The following SKIC3 variants were observed in gnomAD, a reference collection of about 807,000 sequenced individuals.
SKIC3 encodes the protein SKI3 subunit of superkiller complex.
the SKIC3 span, chr5:95,536,879 A>G: frequency 6.2e-7 from 1 of 1,613,786 alleles, no homozygotes; most frequent in Non-Finnish European, 8.5e-7. Flanking sequence ...ATAGATGTTT[A>G]TCATTCCTTC....
At chr5:95,478,297 A>G in the SKIC3 span, 3 of 1,613,794 alleles carry the variant, frequency 1.9e-6, no homozygotes, top group South Asian at 3.3e-5. Flanking sequence ...TACCATACAG[A>G]CTTTTAATGC....
At chr5:95,470,392 A>C in the SKIC3 span, among the ~76,000 whole-genome samples, 1 of 152,310 alleles carries the variant, frequency 6.6e-6, no homozygotes, top group East Asian at 1.9e-4. Flanking sequence ...AGGAGCTATA[A>C]AATGGGGTAG....
the SKIC3 span, chr5:95,529,429 T>C: frequency 2.6e-6 from 1 of 379,538 alleles, no homozygotes; most frequent in Non-Finnish European, 5.0e-6. Flanking sequence ...CTTTTACTGA[T>C]TCCCCACTGT....
chr5:95,524,629 C>T, the SKIC3 span: 1 of 1,610,084 alleles, frequency 6.2e-7, no homozygotes, highest in African/African-American at 1.3e-5. Flanking sequence ...AATAGTAAAA[C>T]AAATACACAC....
At chr5:95,511,811 T>C in the SKIC3 span, among the ~76,000 whole-genome samples, 4 of 152,332 alleles carry the variant, frequency 2.6e-5, no homozygotes, top group East Asian at 7.7e-4. Context: ...AACACTTTCC[T>C]GTTGAGAATT....
the SKIC3 span, among the ~76,000 whole-genome samples, chr5:95,543,744 C>T: frequency 1.3e-5 from 2 of 152,168 alleles, no homozygotes; most frequent in Non-Finnish European, 2.9e-5. Flanking sequence ...ATAGTTTCCC[C>T]ATATTAGACA....
the SKIC3 span, chr5:95,513,741 G>A: frequency 7.4e-4 from 906 of 1,231,476 alleles, 9 homozygotes; most frequent in African/African-American, 0.011. Context: ...AGGTTTACTA[G>A]CTGAGCTTAA....
the SKIC3 span, chr5:95,524,638 A>G: frequency 6.2e-7 from 1 of 1,608,414 alleles, no homozygotes; most frequent in South Asian, 1.1e-5. Context: ...ACAAATACAC[A>G]CACACCCACA....
chr5:95,494,911 C>T, the SKIC3 span: 1 of 1,597,386 alleles, frequency 6.3e-7, no homozygotes, highest in East Asian at 2.2e-5. Context: ...ATTATTCCTT[C>T]ATCAATATTA....
the SKIC3 span, chr5:95,537,082 G>C: frequency 6.2e-7 from 1 of 1,613,600 alleles, no homozygotes; most frequent in Non-Finnish European, 8.5e-7. Context: ...AAAGTACTTG[G>C]TGATCTTCAC....
the SKIC3 span, among the ~76,000 whole-genome samples, chr5:95,547,859 A>T: frequency 6.6e-6 from 1 of 152,116 alleles, no homozygotes; most frequent in South Asian, 2.1e-4. Flanking sequence ...TCTGTGAAAC[A>T]TAAATCAAGA....
chr5:95,513,377 A>T, the SKIC3 span: 7 of 480,952 alleles, frequency 1.5e-5, no homozygotes, highest in South Asian at 2.5e-5. Context: ...CTAATTTTTA[A>T]TTTTTTTTTT....
chr5:95,513,487 C>A, the SKIC3 span: 1 of 1,469,370 alleles, frequency 6.8e-7, no homozygotes, highest in Admixed American at 1.7e-5. Context: ...GCCACTATGC[C>A]TAGCCCAATA....
chr5:95,520,801 G>A, the SKIC3 span: 3 of 1,611,574 alleles, frequency 1.9e-6, no homozygotes, highest in Non-Finnish European at 2.5e-6. Flanking sequence ...GCCATCATAA[G>A]ATGGCATTCA....
At chr5:95,524,421 T>C in the SKIC3 span, 1 of 1,609,876 alleles carries the variant, frequency 6.2e-7, no homozygotes, top group South Asian at 1.1e-5. Flanking sequence ...TATGATTTTA[T>C]AATGCCATTT....
chr5:95,504,080 G>A, the SKIC3 span: 1,741 of 375,008 alleles, frequency 4.6e-3, 37 homozygotes, highest in African/African-American at 0.034. Context: ...AGGCCCAGGC[G>A]GGGGGTGGGG....
the SKIC3 span, chr5:95,523,424 T>C: frequency 4.5e-5 from 63 of 1,387,820 alleles, 1 homozygote; most frequent in African/African-American, 7.0e-4. Flanking sequence ...TTCTCACTTC[T>C]GATTTTTTAA....
chr5:95,545,843 T>C, the SKIC3 span, among the ~76,000 whole-genome samples: 2 of 152,172 alleles, frequency 1.3e-5, no homozygotes, highest in Admixed American at 6.6e-5. Context: ...TGTATTCATG[T>C]TGATATCCCG....
At chr5:95,532,972 G>GAA in the SKIC3 span, among the ~76,000 whole-genome samples, 2 of 151,874 alleles carry the variant, frequency 1.3e-5, no homozygotes, top group African/African-American at 4.8e-5. Context: ...CTTGAGGGGG[G>GAA]AAAAAAACCA....
Sources: gnomAD v4.1 joint callset for allele counts (sites outside exome capture counted in the v4.1 genomes callset) on GRCh38, gnomAD v4.1.1 for gene constraint, MANE v1.5 for transcripts, NCBI Gene and HGNC (gene_info 2026-07-23, HGNC 2026-07-21) for gene names.